COL23A1: variants seen among roughly 807,000 people sequenced by gnomAD.
COL23A1 encodes the protein collagen type XXIII alpha 1 chain, also known as collagen alpha-1(XXIII) chain.
In COL23A1, 97 loss-of-function variants were observed where a neutral mutation model predicts 99.3. That is an observed-to-expected ratio of 0.98 (90% CI 0.83 to 1.16). The LOEUF (loss-of-function observed/expected upper bound fraction) is 1.16, where lower values mean the gene tolerates loss of function less well. Ranked by LOEUF, COL23A1 falls within the 50% of genes most tolerant of loss-of-function variation. The probability of loss-of-function intolerance (pLI) is 0.00; values close to 1 mark genes in which losing one functional copy is unlikely to be tolerated. For missense variants in COL23A1, 762 were observed against 757.4 expected, an observed-to-expected ratio of 1.01 and a Z score of -0.07; for synonymous variants, 320 against 308.2, an observed-to-expected ratio of 1.04 and a Z score of -0.40.
intron 1 of COL23A1, among the ~76,000 whole-genome samples, chr5:178,584,612 C>G (rs567029784): frequency 6.6e-6 from 1 of 152,074 alleles, no homozygotes; most frequent in African/African-American, 2.4e-5. Context: ...GGTTGCTGCT[C>G]GGTGAGGGAA....
chr5:178,272,711 C>T (rs971750387), intron 5 of COL23A1, among the ~76,000 whole-genome samples: 35 of 152,288 alleles, frequency 2.3e-4, no homozygotes, highest in African/African-American at 7.7e-4. Context: ...CTTCTGCCCT[C>T]GGTAGTACAC....
Position 178,427,267 on chromosome 5 carries a change from AC to A in COL23A1, c.362-120349del, listed in dbSNP as rs375637142. 1.4e-4 allele frequency among the ~76,000 whole-genome samples: 22 copies of A among 152,296 alleles called. No individual in the cohort carries two copies. The East Asian group carries it at 3.5e-3, about 24-fold the overall frequency. ...TGGCCAAAATCCAGCACACTGAACC[AC>A]CAGATGCTGGCAGGGATGTGGAGTA... On this transcript the variant is annotated intron_variant, in intron 2 of 28. Transcript: ENST00000390654.
At chr5:178,274,698 G>A (rs1020376749) in intron 5 of COL23A1, among the ~76,000 whole-genome samples, 3 of 152,148 alleles carry the variant, frequency 2.0e-5, no homozygotes, top group Admixed American at 2.0e-4. Context: ...AAAGTAGCTC[G>A]GGGAGGTTTA....
At chr5:178,242,221 C>T in intron 26 of COL23A1, 93 bp from the exon 27 acceptor site, 1 of 1,461,848 alleles carries the variant, frequency 6.8e-7, no homozygotes, top group Non-Finnish European at 9.4e-7. Flanking sequence ...GGCCAGCCTC[C>T]CCCTGCCTCC....
chr5:178,314,096 G>C (rs1426131609), intron 2 of COL23A1, among the ~76,000 whole-genome samples: 2 of 152,096 alleles, frequency 1.3e-5, no homozygotes, highest in African/African-American at 4.8e-5. Flanking sequence ...TGCTCCTGGA[G>C]GGGACACTGA....
chr5:178,567,687 T>C (rs1004462409), intron 1 of COL23A1, among the ~76,000 whole-genome samples: 9 of 152,146 alleles, frequency 5.9e-5, no homozygotes, highest in Non-Finnish European at 8.8e-5. Flanking sequence ...GCAGAGATTG[T>C]GCCACTGCAC....
At chr5:178,287,348 C>T (rs964642496) in intron 5 of COL23A1, among the ~76,000 whole-genome samples, 1 of 152,242 alleles carries the variant, frequency 6.6e-6, no homozygotes, top group Non-Finnish European at 1.5e-5. Context: ...AGCATGAAGT[C>T]AATGTTCCCC....
chr5:178,543,343 G>A (rs375530013), intron 2 of COL23A1, among the ~76,000 whole-genome samples: 24 of 152,062 alleles, frequency 1.6e-4, no homozygotes, highest in East Asian at 5.8e-4. Context: ...CCAACCTCAG[G>A]TGATTCTCCC....
At chr5:178,467,425 A>G (rs2672842) in intron 2 of COL23A1, among the ~76,000 whole-genome samples, 142,069 of 152,302 alleles carry the variant, frequency 0.93, 66,375 homozygotes, top group East Asian at 1. Context: ...GGGTGACCCT[A>G]CCCCACTCCC....
In COL23A1 at chr5:178,467,575, T is replaced by C. The variant is rs115392728; in HGVS notation, c.361+93107A>G. Among the ~76,000 whole-genome samples the C allele has an allele frequency of 3.8e-3, 586 of 152,282 alleles. 1 individual carries two copies. The highest frequency in any genetic ancestry group is 5.6e-3 in the Non-Finnish European group (379 of 68,026). On this transcript the variant is annotated intron_variant, in intron 2 of 28. Transcript: ENST00000390654. Reference sequence around the variant, plus strand: ...AACCACAGAGAGGAGGTCCCCATTGTGCGAGGGTTTGAAGGATGTGTGGAA... The same window carrying C: ...AACCACAGAGAGGAGGTCCCCATTGCGCGAGGGTTTGAAGGATGTGTGGAA...
At chr5:178,328,951 G>A (rs535488330) in intron 2 of COL23A1, among the ~76,000 whole-genome samples, 16 of 152,288 alleles carry the variant, frequency 1.1e-4, no homozygotes, top group East Asian at 5.8e-4. Flanking sequence ...GCTACCTGCC[G>A]ATACAGAAAT....
chr5:178,523,872 C>G (rs1239786481), intron 2 of COL23A1, among the ~76,000 whole-genome samples: 1 of 152,200 alleles, frequency 6.6e-6, no homozygotes, highest in Non-Finnish European at 1.5e-5. Flanking sequence ...CGGGGAGAGG[C>G]AAGTTACACT....
intron 2 of COL23A1, among the ~76,000 whole-genome samples, chr5:178,532,795 A>G (rs931964664): frequency 1.1e-4 from 16 of 152,154 alleles, no homozygotes; most frequent in Admixed American, 3.3e-4. Flanking sequence ...TCATTACAAG[A>G]AGAGGTAGGA....
intron 2 of COL23A1, among the ~76,000 whole-genome samples, chr5:178,357,788 G>A (rs1378815629): frequency 1.3e-4 from 19 of 145,522 alleles, no homozygotes; most frequent in Non-Finnish European, 1.7e-4. Flanking sequence ...ATGTGTATGT[G>A]TGTGTGTATG....
At chr5:178,341,795 C>A (rs1186533575) in intron 2 of COL23A1, among the ~76,000 whole-genome samples, 2 of 152,110 alleles carry the variant, frequency 1.3e-5, no homozygotes, top group Admixed American at 6.5e-5. Flanking sequence ...GCAGCCGGCA[C>A]CCCGCCCGCC....
At chr5:178,507,522 G>A (rs547353911) in intron 2 of COL23A1, among the ~76,000 whole-genome samples, 53 of 152,316 alleles carry the variant, frequency 3.5e-4, no homozygotes, top group Non-Finnish European at 7.1e-4. Flanking sequence ...CAGCTCAAAA[G>A]GGCCTGGTGC....
intron 2 of COL23A1, among the ~76,000 whole-genome samples, chr5:178,486,503 G>A (rs189275868): frequency 6.0e-4 from 92 of 152,180 alleles, no homozygotes; most frequent in African/African-American, 2.1e-3. Flanking sequence ...AAAGCCGAAC[G>A]GTTACTACGC....
chr5:178,260,264 GT>G (rs1335377070), intron 11 of COL23A1, among the ~76,000 whole-genome samples: 4 of 152,230 alleles, frequency 2.6e-5, no homozygotes, highest in Non-Finnish European at 4.4e-5. Flanking sequence ...CAGCCAACAT[GT>G]CCTTCAGTCG....
intron 2 of COL23A1, among the ~76,000 whole-genome samples, chr5:178,433,388 G>T (rs1766371005): frequency 6.6e-6 from 1 of 152,220 alleles, no homozygotes; most frequent in Non-Finnish European, 1.5e-5. Context: ...TCCTGAGGCA[G>T]GAGCTTCTTC....
Sources: allele counts gnomAD v4.1 joint callset (sites outside exome capture counted in the v4.1 genomes callset), GRCh38; gene constraint gnomAD v4.1.1; transcripts MANE v1.5; gene names NCBI Gene and HGNC (gene_info 2026-07-23, HGNC 2026-07-21).